The following PON2 variants were observed in gnomAD, a reference collection of about 807,000 sequenced individuals.
PON2 encodes the protein paraoxonase 2, also known as serum paraoxonase/arylesterase 2.
A neutral mutation model predicts 36.6 loss-of-function variants in PON2; 27 were observed. The observed-to-expected ratio is 0.74, with a 90% CI of 0.54 to 1.02. The LOEUF (loss-of-function observed/expected upper bound fraction) is 1.02. PON2 is among the 50% of genes least tolerant of loss of function. The pLI is 0.00. For synonymous variants in PON2, 149 were observed against 156.3 expected (o/e 0.95, Z 0.35); for missense variants, 363 against 421.1 (o/e 0.86, Z 1.21).
intron 2 of PON2, among the ~76,000 whole-genome samples, chr7:95,418,839 A>G (rs185501136): frequency 1.1e-4 from 17 of 152,136 alleles, no homozygotes; most frequent in Admixed American, 2.0e-4. Flanking sequence ...CTCTCTCTTT[A>G]AACTTTTTAT....
chr7:95,434,748 A>C, intron 1 of PON2, 130 bp downstream of exon 1: 1 of 1,035,794 alleles, frequency 9.7e-7, no homozygotes, highest in Non-Finnish European at 1.4e-6. Context: ...CAGCATTCAA[A>C]AATTCTCCAC....
chr7:95,422,202 C>G (rs1367429868), intron 2 of PON2, among the ~76,000 whole-genome samples: 1 of 152,078 alleles, frequency 6.6e-6, no homozygotes, highest in Non-Finnish European at 1.5e-5. Context: ...ACTATATATG[C>G]TGATGTGGAA....
chr7:95,420,221 C>CT lies in PON2; in HGVS notation c.146-3925dup, dbSNP rs1169400100. On this transcript the variant is annotated intron_variant, in intron 2 of 8. Transcript: ENST00000222572. ...ATTATAAGGGCCACAAACTTTAATG[C>CT]TTTTTTCCCCTCAATCTCCCAAGCA... Among the ~76,000 whole-genome samples, 22 of 152,174 alleles carry CT rather than the reference C, an allele frequency of 1.4e-4. 1 individual carries two copies. The highest frequency in any genetic ancestry group is 4.1e-4 in the African/African-American group (17 of 41,504).
intron 2 of PON2, among the ~76,000 whole-genome samples, chr7:95,418,847 T>G (rs1399085627): frequency 6.6e-6 from 1 of 152,178 alleles, no homozygotes; most frequent in Non-Finnish European, 1.5e-5. Flanking sequence ...TTAAACTTTT[T>G]ATTATGGGAA....
intron 2 of PON2, chr7:95,416,591 A>G: frequency 2.3e-6 from 1 of 430,436 alleles, no homozygotes; most frequent in Non-Finnish European, 4.3e-6. Context: ...CATGATAAAC[A>G]TCCAGATGTC....
chr7:95,417,726 C>CACACACACACACACACACACACA (rs56020343), intron 2 of PON2, among the ~76,000 whole-genome samples: 2 of 148,398 alleles, frequency 1.3e-5, no homozygotes, highest in African/African-American at 5.0e-5. Context: ...CACACACACA[C>CACACACACACACACACACACACA]CGAGAGAGAA....
At chr7:95,412,704 G>C in intron 3 of PON2, 1 of 542,486 alleles carries the variant, frequency 1.8e-6, no homozygotes, top group South Asian at 2.1e-5. Context: ...ATTCTCTTCA[G>C]AGAGTAATCA....
At chr7:95,428,094 C>T (rs540359408) in intron 1 of PON2, among the ~76,000 whole-genome samples, 28 of 152,348 alleles carry the variant, frequency 1.8e-4, no homozygotes, top group African/African-American at 6.0e-4. Context: ...TAACAGCACT[C>T]TCCCTCTAAC....
chr7:95,424,352 C>A, intron 2 of PON2, 163 bp downstream of exon 2: 1 of 640,228 alleles, frequency 1.6e-6, no homozygotes, highest in South Asian at 1.8e-5. Flanking sequence ...AGAATAAATA[C>A]AGGGTTCATC....
At position 95,412,374 on chromosome 7, in the gene PON2, A is replaced by C; in HGVS notation, c.305T>G (p.Ile102Ser). The change falls in exon 4 of 9, where the codon ATC becomes AGC. Residue 102 changes from isoleucine to serine, a missense_variant. Physicochemically the swap from Ile to Ser is moderately radical, Grantham distance 142 (BLOSUM62 -2). Transcript: ENST00000222572. ...EEKPRARELR[I>S]SRGFDLASFN... The stretch of plus-strand genomic sequence containing the variant: ...TGAGGCCAAATCAAACCCACGACTG[A>C]TTCTTAATTCCCGTGCCCTTGGTTT... 1 of 1,614,178 alleles carries C rather than the reference A, an allele frequency of 6.2e-7. No homozygotes were observed. Among genetic ancestry groups the C allele is most frequent in the Non-Finnish European group, 8.5e-7 (1 of 1,180,026 alleles).
chr7:95,416,857 TAGC>T (rs1279727420), intron 2 of PON2, among the ~76,000 whole-genome samples: 1 of 152,190 alleles, frequency 6.6e-6, no homozygotes, highest in African/African-American at 2.4e-5. Flanking sequence ...AGAAAAAAAC[TAGC>T]AGAAGAAAAT....
intron 8 of PON2, among the ~76,000 whole-genome samples, 171 bp from the exon 9 acceptor site, chr7:95,405,659 A>G (rs1387235351): frequency 6.6e-6 from 1 of 152,226 alleles, no homozygotes; most frequent in Non-Finnish European, 1.5e-5. Flanking sequence ...CCAATCTTCA[A>G]AGAAAGTACT....
chr7:95,421,932 T>C (rs1789203772), intron 2 of PON2, among the ~76,000 whole-genome samples: 1 of 152,200 alleles, frequency 6.6e-6, no homozygotes, highest in Non-Finnish European at 1.5e-5. Context: ...GTGAATGTGG[T>C]TACAACTATG....
chr7:95,406,076 A>T, intron 8 of PON2, 43 bp downstream of exon 8: 1 of 1,576,826 alleles, frequency 6.3e-7, no homozygotes. Flanking sequence ...TTAGTTCAAA[A>T]GGACTTGAAT....
intron 2 of PON2, among the ~76,000 whole-genome samples, chr7:95,417,742 G>T (rs549517778): frequency 1.6e-5 from 2 of 124,548 alleles, no homozygotes; most frequent in African/African-American, 5.6e-5. Context: ...GAGAATTCTA[G>T]TCCAGGTTTT....
chr7:95,424,064 G>T (rs13245169), intron 2 of PON2: 53,020 of 185,204 alleles, frequency 0.29, 9,886 homozygotes, highest in Middle Eastern at 0.42. Flanking sequence ...ATTCGGGTGG[G>T]GACACAACCA....
At chr7:95,418,400 T>C (rs1395563792) in intron 2 of PON2, 4 of 152,242 alleles carry the variant, frequency 2.6e-5, no homozygotes, top group African/African-American at 9.6e-5. Flanking sequence ...GCCTTTGCTC[T>C]GACTTAAAGG....
In PON2 at chr7:95,405,131, G is replaced by A. The variant is rs1472479095; in HGVS notation, c.*199C>T. 3.6e-6 allele frequency: 2 copies of A among 563,104 alleles called. No homozygotes were observed. Among genetic ancestry groups the A allele is most frequent in the African/African-American group, 3.8e-5 (2 of 53,078 alleles). 34.9% of individuals were successfully genotyped at this position (563,104 alleles called of 1,614,324 possible). A position where few individuals can be genotyped will look rare whatever the true frequency, so the allele number is the denominator to read the frequency against. ...CAGCTTTCTTTTCTGTCCCTTGCTT[G>A]GCATTTTAAAGAACCTGTTCATTTT... On this transcript the variant is annotated 3_prime_UTR_variant, in exon 9 of 9. Coordinates refer to ENST00000222572, the MANE Select transcript of PON2 (RefSeq NM_000305.3).
At chr7:95,413,557 G>A (rs942055559) in intron 3 of PON2, among the ~76,000 whole-genome samples, 1 of 152,054 alleles carries the variant, frequency 6.6e-6, no homozygotes, top group African/African-American at 2.4e-5. Context: ...ATGCTTTTTG[G>A]TACTCACTGA....
Sources: allele counts gnomAD v4.1 joint callset (sites outside exome capture counted in the v4.1 genomes callset), GRCh38; gene constraint gnomAD v4.1.1; transcripts MANE v1.5; gene names NCBI Gene and HGNC (gene_info 2026-07-23, HGNC 2026-07-21).